SUGCT: variants seen among roughly 807,000 people sequenced by gnomAD.
SUGCT encodes succinyl-CoA:glutarate CoA-transferase.
A neutral mutation model predicts 55.0 loss-of-function variants in SUGCT; 41 were observed. The observed-to-expected ratio is 0.74, with a 90% CI of 0.58 to 0.97. SUGCT has a LOEUF of 0.97. SUGCT is among the 50% of genes least tolerant of loss of function. The pLI, the probability that SUGCT is intolerant of heterozygous loss-of-function variation, is 0.00. For missense variants in SUGCT, 568 were observed against 547.8 expected (o/e 1.04, Z -0.37); for synonymous variants, 187 against 200.4 (o/e 0.93, Z 0.56).
intron 9 of SUGCT, among the ~76,000 whole-genome samples, chr7:40,374,762 A>G (rs1445983431): frequency 6.6e-6 from 1 of 152,140 alleles, no homozygotes; most frequent in Non-Finnish European, 1.5e-5. Flanking sequence ...CTGATGTTGT[A>G]TGAACATGTA....
intron 1 of SUGCT, among the ~76,000 whole-genome samples, chr7:40,174,191 T>C (rs1372562857): frequency 6.6e-6 from 1 of 151,894 alleles, no homozygotes; most frequent in Non-Finnish European, 1.5e-5. Flanking sequence ...CCTGGCTAAT[T>C]TTTGTATTTT....
rs552556016 is a variant in SUGCT, at chr7:40,544,368, G to A, written c.1089+47982G>A. On this transcript the variant is annotated intron_variant, in intron 12 of 13. Coordinates refer to ENST00000335693, the MANE Select transcript of SUGCT (RefSeq NM_001193313.2). ...AAGTGGGTGTGTGAGCAAAGGAGAG[G>A]TAGCATTTTCTTTAGAGACATCCAC... Among the ~76,000 whole-genome samples, 8 of 152,216 alleles carry A rather than the reference G, an allele frequency of 5.3e-5. No individual in the cohort carries two copies. In the East Asian group the frequency reaches 1.2e-3, roughly 22 times the overall value.
At chr7:40,309,399 A>T (rs1426548268) in intron 8 of SUGCT, among the ~76,000 whole-genome samples, 1 of 151,948 alleles carries the variant, frequency 6.6e-6, no homozygotes, top group Non-Finnish European at 1.5e-5. Flanking sequence ...GCCTCAAGCG[A>T]TTCTCCTGCC....
At chr7:40,331,125 T>C (rs1401185611) in intron 9 of SUGCT, among the ~76,000 whole-genome samples, 2 of 152,142 alleles carry the variant, frequency 1.3e-5, no homozygotes, top group African/African-American at 2.4e-5. Flanking sequence ...TGAATTTATA[T>C]TGGGCATTCA....
At chr7:40,136,881 C>G (rs1473880594) in intron 1 of SUGCT, among the ~76,000 whole-genome samples, 1 of 152,020 alleles carries the variant, frequency 6.6e-6, no homozygotes, top group African/African-American at 2.4e-5. Flanking sequence ...CCTGTAGTCC[C>G]AGTTGCTTGG....
At chr7:40,605,051 C>T (rs953425099) in intron 12 of SUGCT, among the ~76,000 whole-genome samples, 6 of 152,322 alleles carry the variant, frequency 3.9e-5, no homozygotes, top group South Asian at 2.1e-4. Context: ...CACACGCGTC[C>T]GCCTCTCAGC....
chr7:40,382,968 A>T (rs1273197736), intron 9 of SUGCT, among the ~76,000 whole-genome samples: 3 of 152,208 alleles, frequency 2.0e-5, no homozygotes, highest in Non-Finnish European at 2.9e-5. Flanking sequence ...TATTGAATGT[A>T]CAAGAAGAAG....
At chr7:40,704,118 A>G (rs187074619) in intron 12 of SUGCT, among the ~76,000 whole-genome samples, 2 of 152,360 alleles carry the variant, frequency 1.3e-5, no homozygotes, top group East Asian at 3.9e-4. Flanking sequence ...CTCTTAGTTT[A>G]GATGATGCCC....
chr7:40,361,010 C>G (rs1369244966), intron 9 of SUGCT, among the ~76,000 whole-genome samples: 1 of 151,916 alleles, frequency 6.6e-6, no homozygotes, highest in Admixed American at 6.6e-5. Flanking sequence ...ATTGCTTAAT[C>G]AATAATTATT....
At chr7:40,542,492 A>G (rs775263142) in intron 12 of SUGCT, among the ~76,000 whole-genome samples, 2 of 152,166 alleles carry the variant, frequency 1.3e-5, no homozygotes, top group Non-Finnish European at 2.9e-5. Flanking sequence ...TCAGCCTTAC[A>G]CTAGGTATGG....
the SUGCT span, among the ~76,000 whole-genome samples, chr7:40,924,645 A>G: frequency 6.6e-6 from 1 of 152,180 alleles, no homozygotes; most frequent in Non-Finnish European, 1.5e-5. Flanking sequence ...CAAGGACCTC[A>G]GCTCTCTCCT....
intron 12 of SUGCT, among the ~76,000 whole-genome samples, chr7:40,691,889 TTTG>T (rs1409023995): frequency 6.6e-6 from 1 of 152,164 alleles, no homozygotes; most frequent in Non-Finnish European, 1.5e-5. Flanking sequence ...GACACAAAAA[TTTG>T]TTAAGTGCTC....
At chr7:40,952,389 G>C in the SUGCT span, among the ~76,000 whole-genome samples, 1 of 152,108 alleles carries the variant, frequency 6.6e-6, no homozygotes, top group Non-Finnish European at 1.5e-5. Context: ...CACACTGATA[G>C]ATCTTGACAC....
At chr7:40,687,902 TG>T (rs1357509432) in intron 12 of SUGCT, among the ~76,000 whole-genome samples, 1 of 152,164 alleles carries the variant, frequency 6.6e-6, no homozygotes, top group Admixed American at 6.5e-5. Flanking sequence ...TACTTGGAAA[TG>T]GTGGAGATAA....
At chr7:40,445,709 G>C (rs1788793636) in intron 9 of SUGCT, among the ~76,000 whole-genome samples, 1 of 152,118 alleles carries the variant, frequency 6.6e-6, no homozygotes, top group South Asian at 2.1e-4. Context: ...GAGAATTTTA[G>C]ACCAATATCC....
At chr7:40,420,875 A>G (rs917315434) in intron 9 of SUGCT, among the ~76,000 whole-genome samples, 35 of 152,222 alleles carry the variant, frequency 2.3e-4, no homozygotes, top group African/African-American at 7.7e-4. Flanking sequence ...GAGCATTGAT[A>G]AGGTCTCTTC....
chr7:41,022,936 A>G, the SUGCT span, among the ~76,000 whole-genome samples: 1 of 152,236 alleles, frequency 6.6e-6, no homozygotes, highest in Non-Finnish European at 1.5e-5. Flanking sequence ...TTAACAATCC[A>G]AACATCTGTC....
chr7:40,514,121 C>T (rs1179540357), intron 12 of SUGCT, among the ~76,000 whole-genome samples: 1 of 151,724 alleles, frequency 6.6e-6, no homozygotes, highest in African/African-American at 2.4e-5. Flanking sequence ...AACTTTAGTA[C>T]AAGTACAATT....
intron 12 of SUGCT, among the ~76,000 whole-genome samples, chr7:40,543,053 C>T (rs996873566): frequency 6.6e-6 from 1 of 152,164 alleles, no homozygotes; most frequent in African/African-American, 2.4e-5. Flanking sequence ...AGTATAGAAG[C>T]CCACCAGTGA....
Sources: gnomAD v4.1 joint callset for allele counts (sites outside exome capture counted in the v4.1 genomes callset) on GRCh38, gnomAD v4.1.1 for gene constraint, MANE v1.5 for transcripts, NCBI Gene and HGNC (gene_info 2026-07-23, HGNC 2026-07-21) for gene names.